Variants in ASXL3 observed in about 807,000 individuals in gnomAD.
ASXL3 encodes putative Polycomb group protein ASXL3.
A neutral mutation model predicts 170.6 loss-of-function variants in ASXL3; 34 were observed. That is an observed-to-expected ratio of 0.20 (90% CI 0.15 to 0.27). The LOEUF (loss-of-function observed/expected upper bound fraction) is 0.27. ASXL3 is among the 10% of genes least tolerant of loss of function. ASXL3 has a pLI of 1.00. For synonymous variants in ASXL3, 1,002 were observed against 989.1 expected (o/e 1.01, Z -0.24); for missense variants, 2,592 against 2,695.3 (o/e 0.96, Z 0.85).
At chr18:33,625,457 A>C (rs971334890) in intron 2 of ASXL3, among the ~76,000 whole-genome samples, 1 of 152,160 alleles carries the variant, frequency 6.6e-6, no homozygotes, top group African/African-American at 2.4e-5. Flanking sequence ...TCATATTACT[A>C]AGCAACCAAG....
At position 33,607,608 on chromosome 18, in the gene ASXL3, C is replaced by A. The variant is rs1303101039; in HGVS notation, c.69C>A (p.His23Gln). The A allele has an allele frequency of 6.3e-7, 1 of 1,586,964 alleles. No homozygotes were observed. Among genetic ancestry groups the A allele is most frequent in the Non-Finnish European group, 8.6e-7 (1 of 1,165,690 alleles). ...TTATATTTTAGGCACTAGAAAAACA[C>A]CCCAACTCACCAATGACAGCAAAGC... ...AEAARLALEK[H>Q]PNSPMTAKQI... is the part of the protein sequence containing the mutation. The change falls in exon 2 of 12, where the codon CAC becomes CAA. Residue 23 changes from histidine to glutamine, a missense_variant. His to Gln is a conservative substitution (Grantham distance 24, BLOSUM62 0). Around this residue, in one of 4 missense-constraint regions of ASXL3, gnomAD observed 251 missense variants for 281.9 expected, o/e 0.89. Coordinates refer to ENST00000269197, the MANE Select transcript of ASXL3 (RefSeq NM_030632.3).
intron 1 of ASXL3, among the ~76,000 whole-genome samples, chr18:33,601,601 G>A (rs2065183577): frequency 6.6e-6 from 1 of 151,516 alleles, no homozygotes; most frequent in Non-Finnish European, 1.5e-5. Flanking sequence ...CTATTTAGTA[G>A]TGCTACAATT....
In ASXL3 at chr18:33,644,939, C is replaced by T; in HGVS notation, c.183C>T (p.Asn61=). The part of the protein sequence containing the change: ...LACLNAMLHT[N]TRIGDGTFFK... ...GTCTGAATGCAATGCTTCACACTAACACTCGAATAGGGGATGGAACATTCT... is the reference window on the plus strand; with the variant it reads ...GTCTGAATGCAATGCTTCACACTAATACTCGAATAGGGGATGGAACATTCT... The change falls in exon 3 of 12, where the codon AAC becomes AAT. Residue 61 remains asparagine (N), a synonymous_variant. Transcript: ENST00000269197. 6.3e-7 allele frequency: 1 copy of T among 1,584,244 alleles called. No individual in the cohort carries two copies. The highest frequency in any genetic ancestry group is 8.6e-7 in the Non-Finnish European group (1 of 1,163,644).
chr18:33,690,233 C>G (rs1465314681), intron 8 of ASXL3: 1 of 152,118 alleles, frequency 6.6e-6, no homozygotes, highest in Non-Finnish European at 1.5e-5. Flanking sequence ...TATACTTTCT[C>G]TGCCCCAGTC....
At chr18:33,584,393 A>G (rs550494796) in intron 1 of ASXL3, among the ~76,000 whole-genome samples, 2 of 152,184 alleles carry the variant, frequency 1.3e-5, no homozygotes, top group South Asian at 4.1e-4. Flanking sequence ...TAGAAAGGGA[A>G]TTAAAGACTC....
At chr18:33,725,317 G>A (rs996499181) in intron 8 of ASXL3, among the ~76,000 whole-genome samples, 3 of 152,108 alleles carry the variant, frequency 2.0e-5, no homozygotes, top group African/African-American at 4.8e-5. Context: ...CCTTAGTAAT[G>A]CTAAAAGGCT....
At chr18:33,617,613 A>G (rs1349376733) in intron 2 of ASXL3, among the ~76,000 whole-genome samples, 3 of 152,302 alleles carry the variant, frequency 2.0e-5, no homozygotes, top group South Asian at 2.1e-4. Flanking sequence ...CAAGGCATCA[A>G]TAACCACTAA....
intron 1 of ASXL3, among the ~76,000 whole-genome samples, chr18:33,586,404 C>CTTT (rs56692329): frequency 0.14 from 21,727 of 150,862 alleles, 2,511 homozygotes; most frequent in African/African-American, 0.32. Flanking sequence ...AATTGCCTTC[C>CTTT]TTTTTTTTTA....
chr18:33,661,231 A>G lies in ASXL3; in HGVS notation c.356-385A>G, dbSNP rs566201158. Among the ~76,000 whole-genome samples, 8 of 152,166 alleles carry G rather than the reference A, an allele frequency of 5.3e-5. No homozygotes were observed. In the South Asian group the frequency reaches 1.7e-3, roughly 32 times the overall value. ...GGGTAGATTTAAAACAATTGCATTA[A>G]TTTATATTGTTTTTTTTTGTTTGTT... On this transcript the variant is annotated intron_variant, in intron 4 of 11. Coordinates refer to ENST00000269197, the MANE Select transcript of ASXL3 (RefSeq NM_030632.3).
intron 5 of ASXL3, among the ~76,000 whole-genome samples, chr18:33,664,715 G>T (rs763391323): frequency 8.5e-4 from 129 of 152,172 alleles, no homozygotes; most frequent in Non-Finnish European, 8.8e-4. Context: ...CCTAAAGCAT[G>T]TTGCTACAGA....
chr18:33,640,062 G>A (rs1386719201), intron 2 of ASXL3, among the ~76,000 whole-genome samples: 1 of 151,886 alleles, frequency 6.6e-6, no homozygotes, highest in Non-Finnish European at 1.5e-5. Flanking sequence ...TTATTTGATG[G>A]ATTATTCCCA....
chr18:33,580,839 G>A (rs1415800028), intron 1 of ASXL3, among the ~76,000 whole-genome samples: 1 of 152,034 alleles, frequency 6.6e-6, no homozygotes, highest in East Asian at 1.9e-4. Flanking sequence ...TTTTCAATTT[G>A]GTTTAAGTTA....
intron 1 of ASXL3, among the ~76,000 whole-genome samples, chr18:33,593,573 C>G (rs2065099025): frequency 6.6e-6 from 1 of 152,176 alleles, no homozygotes; most frequent in African/African-American, 2.4e-5. Context: ...TGACCACATG[C>G]ATCTTAAACC....
At chr18:33,686,657 A>G (rs2066602174) in intron 8 of ASXL3, among the ~76,000 whole-genome samples, 2 of 152,200 alleles carry the variant, frequency 1.3e-5, no homozygotes, top group South Asian at 2.1e-4. Context: ...AGCCACCTAA[A>G]GGAGAAAATG....
At position 33,743,700 on chromosome 18, in the gene ASXL3, C is replaced by T. The variant is rs1330866957; in HGVS notation, c.3852C>T (p.Thr1284=). ...CTTGTAATATAAGCATGTTAAAAAC[C>T]ATCCAGGGAACTGACACTCCATGCA... is the stretch of plus-strand genomic sequence containing the variant. The part of the protein sequence containing the change: ...ISACNISMLK[T]IQGTDTPCIA... Residue 1284 remains threonine, a synonymous_variant, in exon 12 of 12, where the codon ACC becomes ACT. Coordinates refer to ENST00000269197, the MANE Select transcript of ASXL3 (RefSeq NM_030632.3). 8.7e-6 allele frequency: 14 copies of T among 1,613,716 alleles called. No homozygotes were observed. In the Admixed American group the frequency reaches 1.7e-4, roughly 19 times the overall value.
At chr18:33,647,741 CA>C (rs2145204959) in intron 4 of ASXL3, among the ~76,000 whole-genome samples, 1 of 152,122 alleles carries the variant, frequency 6.6e-6, no homozygotes, top group East Asian at 1.9e-4. Context: ...CAGTGAAAAA[CA>C]AAAGCAAATC....
At position 33,738,504 on chromosome 18, in the gene ASXL3, A is replaced by C. The variant is rs757580115; in HGVS notation, c.1100A>C (p.Glu367Ala). 2.5e-6 allele frequency: 4 copies of C among 1,609,570 alleles called. No individual in the cohort carries two copies. In the East Asian group the frequency reaches 6.7e-5, roughly 27 times the overall value. ...CTGTACAGGCTGGGCATGTCAAGAG[A>C]GGAATCTGTGAAGCTCACTACTGGA... ...FYGEKLGMSR[E>A]ESVKLTTGPN... The change falls in exon 11 of 12, where the codon GAG (glutamate) becomes GCG (alanine). Residue 367 changes from glutamate (E) to alanine (A), a missense_variant. Around this residue, in one of 4 missense-constraint regions of ASXL3, gnomAD observed 2,246 missense variants for 2,219.6 expected, o/e 1.01. Transcript: ENST00000269197.
chr18:33,590,694 G>T (rs1371590400), intron 1 of ASXL3, among the ~76,000 whole-genome samples: 2 of 152,028 alleles, frequency 1.3e-5, no homozygotes, highest in African/African-American at 2.4e-5. Flanking sequence ...CCATTACAAA[G>T]AACCTAAATA....
At chr18:33,679,553 T>C (rs1226606796) in intron 7 of ASXL3, among the ~76,000 whole-genome samples, 1 of 152,102 alleles carries the variant, frequency 6.6e-6, no homozygotes, top group Non-Finnish European at 1.5e-5. Context: ...TTCTGAAATA[T>C]GTGTATAATG....
Sources: gnomAD v4.1 joint callset for allele counts (sites outside exome capture counted in the v4.1 genomes callset) on GRCh38, gnomAD v4.1.1 for gene constraint, gnomAD v4.1.1 regional missense constraint, MANE v1.5 for transcripts, NCBI Gene and HGNC (gene_info 2026-07-23, HGNC 2026-07-21) for gene names.